The following NUMB variants were observed in gnomAD, a reference collection of about 807,000 sequenced individuals.
NUMB encodes the protein protein numb homolog.
NUMB carries 29 observed loss-of-function variants against 59.7 expected under a neutral mutation model. The observed-to-expected ratio is 0.49, with a 90% CI of 0.36 to 0.66. NUMB has a LOEUF of 0.66. NUMB is among the 30% of genes least tolerant of loss of function. The pLI, the probability that NUMB is intolerant of heterozygous loss-of-function variation, is 0.00. For synonymous variants in NUMB, 288 were observed against 288.2 expected, an observed-to-expected ratio of 1.00 and a Z score of 0.01; for missense variants, 723 against 822.0, an observed-to-expected ratio of 0.88 and a Z score of 1.47.
chr14:73,364,021 G>T (rs1438205506), intron 3 of NUMB, among the ~76,000 whole-genome samples: 1 of 152,106 alleles, frequency 6.6e-6, no homozygotes, highest in African/African-American at 2.4e-5. Context: ...GACAGAGTTG[G>T]ATTTCAGCAA....
chr14:73,312,247 A>T (rs989086584), intron 6 of NUMB, among the ~76,000 whole-genome samples: 2 of 151,884 alleles, frequency 1.3e-5, no homozygotes, highest in Non-Finnish European at 2.9e-5. Context: ...TACAAAAATT[A>T]TCCGGGTATG....
intron 3 of NUMB, among the ~76,000 whole-genome samples, chr14:73,362,068 A>C (rs56724546): frequency 9.9e-5 from 15 of 152,008 alleles, no homozygotes; most frequent in Non-Finnish European, 2.9e-5. Context: ...ACCAGCCTGG[A>C]CAACATGGCA....
chr14:73,431,785 G>A (rs1897843938), intron 1 of NUMB, among the ~76,000 whole-genome samples: 1 of 151,930 alleles, frequency 6.6e-6, no homozygotes. Context: ...TCAATTTCAT[G>A]TGGAATTTAT....
At chr14:73,389,481 C>T (rs1419590158) in intron 2 of NUMB, among the ~76,000 whole-genome samples, 3 of 151,654 alleles carry the variant, frequency 2.0e-5, no homozygotes, top group East Asian at 3.9e-4. Flanking sequence ...TGCCACCACA[C>T]CCGGCTAATT....
At position 73,284,310 on chromosome 14, in the gene NUMB, G is replaced by A. The variant is rs779834794; in HGVS notation, c.720C>T (p.Ser240=). The change falls in exon 10 of 13, where the codon TCC becomes TCT. Residue 240 remains serine (S), a synonymous_variant. Coordinates refer to ENST00000555238, the MANE Select transcript of NUMB (RefSeq NM_001005743.2). ...VAPGNTAPSP[S]SPTSPTSDAT... ...CATCAGAAGTAGGAGAGGTGGGAGA[G>A]GATGGGGATGGGGCAGTGTTGCCAG... 63 of 1,614,008 alleles carry A rather than the reference G, an allele frequency of 3.9e-5. 2 individuals are homozygous for A. The South Asian group carries it at 6.1e-4, about 16-fold the overall frequency.
At chr14:73,398,318 GA>G (rs1442851388) in intron 2 of NUMB, among the ~76,000 whole-genome samples, 1 of 150,698 alleles carries the variant, frequency 6.6e-6, no homozygotes, top group South Asian at 2.1e-4. Context: ...ATTGTGAAAG[GA>G]AAAAATGTAA....
intron 2 of NUMB, among the ~76,000 whole-genome samples, chr14:73,393,412 T>G (rs772888044): frequency 6.6e-6 from 1 of 152,182 alleles, no homozygotes; most frequent in East Asian, 1.9e-4. Flanking sequence ...AACATAAACT[T>G]TGGAGATAGC....
chr14:73,439,060 G>A (rs901125008), intron 1 of NUMB, among the ~76,000 whole-genome samples: 3 of 152,168 alleles, frequency 2.0e-5, no homozygotes, highest in African/African-American at 7.2e-5. Flanking sequence ...TCAGTTCAAT[G>A]CAAATATATA....
intron 2 of NUMB, among the ~76,000 whole-genome samples, chr14:73,383,228 T>C (rs1895336300): frequency 6.6e-6 from 1 of 152,106 alleles, no homozygotes; most frequent in South Asian, 2.1e-4. Context: ...TTTAAATAAT[T>C]GTGATTAATA....
rs116415941 is a variant in NUMB, at chr14:73,321,147, T to A, written c.201+1983A>T. 5.4e-3 allele frequency among the ~76,000 whole-genome samples: 818 copies of A among 152,296 alleles called. 5 individuals carry two copies. The highest frequency in any genetic ancestry group is 0.019 in the African/African-American group (786 of 41,572). Reference sequence around the variant, plus strand: ...GTTTCTCAATATGTTCTGGGCAAACTTAAACCACCTCTAGCTTTTCCTTAC... The same window carrying A: ...GTTTCTCAATATGTTCTGGGCAAACATAAACCACCTCTAGCTTTTCCTTAC... On this transcript the variant is annotated intron_variant, in intron 5 of 12. Coordinates refer to ENST00000555238, the MANE Select transcript of NUMB (RefSeq NM_001005743.2).
chr14:73,350,695 C>CTT lies in NUMB; in HGVS notation c.126+4929_126+4930dup, dbSNP rs71112733. 4.3e-3 allele frequency among the ~76,000 whole-genome samples: 574 copies of CTT among 133,702 alleles called. 9 individuals are homozygous for CTT. The highest frequency in any genetic ancestry group is 6.7e-3 in the East Asian group (30 of 4,490). 87.7% of individuals were successfully genotyped at this position (133,702 alleles called of 152,430 possible). A position where few individuals can be genotyped will look rare whatever the true frequency, so the allele number is the denominator to read the frequency against. ...GACAGGTGTGTACTACCACATCTAGCTTTTTTTTTTTTTTGTAGAGATGGG... is the reference window on the plus strand; with the variant it reads ...GACAGGTGTGTACTACCACATCTAGCTTTTTTTTTTTTTTTTGTAGAGATGGG... On this transcript the variant is annotated intron_variant, in intron 4 of 12. Coordinates refer to ENST00000555238, the MANE Select transcript of NUMB (RefSeq NM_001005743.2).
intron 1 of NUMB, among the ~76,000 whole-genome samples, chr14:73,426,369 G>A (rs1566792108): frequency 1.3e-5 from 2 of 152,156 alleles, no homozygotes; most frequent in Non-Finnish European, 2.9e-5. Context: ...CAGTGGCTGG[G>A]AGTCTGGCTT....
At position 73,363,306 on chromosome 14, in the gene NUMB, G is replaced by T. The variant is rs377115747; in HGVS notation, c.-16+3591C>A. ...GACCTTGTCTCAAAAAGAAAAAGAA[G>T]AAAAAAAAAAGCTCAGACAAAATGG... On this transcript the variant is annotated intron_variant, in intron 3 of 12. Transcript: ENST00000555238. Among the ~76,000 whole-genome samples, 70 of 144,468 alleles carry T rather than the reference G, an allele frequency of 4.8e-4. 3 individuals are homozygous for T. The South Asian group carries it at 0.015, about 30-fold the overall frequency. The allele number at this position is 144,468 out of a possible 152,430, so 94.8% of individuals were successfully genotyped here.
At chr14:73,343,937 C>T (rs926434841) in intron 4 of NUMB, among the ~76,000 whole-genome samples, 6 of 152,092 alleles carry the variant, frequency 3.9e-5, no homozygotes, top group African/African-American at 1.4e-4. Context: ...ATGATCTGGG[C>T]CTGGTGCCTA....
intron 2 of NUMB, among the ~76,000 whole-genome samples, chr14:73,377,409 G>A (rs183502040): frequency 6.6e-6 from 1 of 152,162 alleles, no homozygotes; most frequent in Non-Finnish European, 1.5e-5. Context: ...GGCCAAGGGG[G>A]GCAGGCAGAT....
chr14:73,388,859 A>G (rs1295798666), intron 2 of NUMB, among the ~76,000 whole-genome samples: 7 of 152,164 alleles, frequency 4.6e-5, no homozygotes, highest in Non-Finnish European at 1.0e-4. Flanking sequence ...GCACTTTAGG[A>G]GGCCGAGGTG....
chr14:73,446,696 AG>A (rs1307496920), intron 1 of NUMB, among the ~76,000 whole-genome samples: 1 of 152,040 alleles, frequency 6.6e-6, no homozygotes, highest in Non-Finnish European at 1.5e-5. Context: ...CCAAAGCAGG[AG>A]AATCACTTGA....
intron 1 of NUMB, among the ~76,000 whole-genome samples, chr14:73,430,190 G>A (rs1455234338): frequency 1.3e-5 from 2 of 149,816 alleles, no homozygotes; most frequent in Non-Finnish European, 1.5e-5. Flanking sequence ...TACTGCATTT[G>A]CATATAGGTT....
At chr14:73,312,627 T>A (rs896403735) in intron 6 of NUMB, among the ~76,000 whole-genome samples, 5 of 149,016 alleles carry the variant, frequency 3.4e-5, no homozygotes, top group African/African-American at 1.2e-4. Context: ...GTTGGGAGGA[T>A]CCCCTGAGCC....
Sources: allele counts gnomAD v4.1 joint callset (sites outside exome capture counted in the v4.1 genomes callset), GRCh38; gene constraint gnomAD v4.1.1; transcripts MANE v1.5; gene names NCBI Gene and HGNC (gene_info 2026-07-23, HGNC 2026-07-21).